CASP4: variants seen among roughly 807,000 people sequenced by gnomAD.
CASP4 encodes caspase-4.
CASP4 carries 29 observed loss-of-function variants against 41.3 expected under a neutral mutation model. That is an observed-to-expected ratio of 0.70 (90% CI 0.52 to 0.96). The LOEUF is 0.96. Ranked by LOEUF, CASP4 falls within the 40% of genes least tolerant of loss-of-function variation. The pLI, the probability that CASP4 is intolerant of heterozygous loss-of-function variation, is 0.00. For missense variants in CASP4, 447 were observed against 460.6 expected (o/e 0.97, Z 0.27); for synonymous variants, 185 against 158.4 (o/e 1.17, Z -1.26).
chr11:104,948,493 C>A, intron 6 of CASP4, 40 bp downstream of exon 6: 1 of 1,529,538 alleles, frequency 6.5e-7, no homozygotes, highest in South Asian at 1.3e-5. Context: ...AAGATGGCCT[C>A]AGGCCCACAA....
intron 1 of CASP4, among the ~76,000 whole-genome samples, chr11:104,961,956 C>A (rs1189056917): frequency 5.9e-5 from 9 of 152,306 alleles, no homozygotes. Context: ...CGTCCCTCCC[C>A]ACCTGGAGTG....
chr11:104,960,946 C>T lies in CASP4; in HGVS notation c.8-5945G>A, dbSNP rs56366981. Among the ~76,000 whole-genome samples the T allele has an allele frequency of 3.4e-3, 516 of 152,326 alleles. 1 individual carries two copies. The highest frequency in any genetic ancestry group is 0.012 in the African/African-American group (479 of 41,570). ...ACTAATTATTTACTGAATCAGTAGT[C>T]AAGTCCATGTAGGAACAAATGAATA... On this transcript the variant is annotated intron_variant, in intron 1 of 8. Coordinates refer to ENST00000444739, the MANE Select transcript of CASP4 (RefSeq NM_001225.4).
chr11:104,958,434 A>C (rs1015111596), intron 1 of CASP4, among the ~76,000 whole-genome samples: 1 of 152,194 alleles, frequency 6.6e-6, no homozygotes, highest in Admixed American at 6.6e-5. Flanking sequence ...ATTCAATAGA[A>C]AGAAAATAAA....
chr11:104,966,393 CTG>C (rs986847959), intron 1 of CASP4, among the ~76,000 whole-genome samples: 3 of 152,164 alleles, frequency 2.0e-5, no homozygotes, highest in Non-Finnish European at 2.9e-5. Flanking sequence ...GGCAGCATGT[CTG>C]TACACTTTGA....
chr11:104,944,585 A>G (rs2134630175), intron 8 of CASP4, 163 bp downstream of exon 8: 1 of 554,974 alleles, frequency 1.8e-6, no homozygotes, highest in Non-Finnish European at 3.2e-6. Context: ...AGGAATCCAA[A>G]TACATGTAAG....
intron 1 of CASP4, among the ~76,000 whole-genome samples, chr11:104,962,551 C>T (rs751289749): frequency 6.6e-5 from 10 of 152,292 alleles, no homozygotes; most frequent in Middle Eastern, 3.4e-3. Context: ...TTCAAGCCAG[C>T]TCAGCAGGCT....
At chr11:104,951,592 CA>C (rs1330057697) in intron 3 of CASP4, 1 of 411,188 alleles carries the variant, frequency 2.4e-6, no homozygotes, top group African/African-American at 2.0e-5. Flanking sequence ...TATTATCCTC[CA>C]AATATGTTTA....
intron 6 of CASP4, 165 bp downstream of exon 6, chr11:104,948,368 G>T: frequency 1.8e-6 from 1 of 543,474 alleles, no homozygotes; most frequent in Non-Finnish European, 2.9e-6. Context: ...GTATCGGGTT[G>T]CTTTAGGAAT....
intron 3 of CASP4, chr11:104,951,572 A>C: frequency 2.7e-6 from 1 of 363,710 alleles, no homozygotes; most frequent in Non-Finnish European, 5.2e-6. Flanking sequence ...AACCAATTAC[A>C]AGTCAGCTAT....
At chr11:104,959,414 G>A (rs61890827) in intron 1 of CASP4, among the ~76,000 whole-genome samples, 8,466 of 152,144 alleles carry the variant, frequency 0.056, 340 homozygotes, top group East Asian at 0.14. Flanking sequence ...GCAGAAGGTT[G>A]TACATAGAAA....
intron 6 of CASP4, chr11:104,947,886 T>G (rs868708688): frequency 1.3e-5 from 2 of 152,182 alleles, no homozygotes; most frequent in Non-Finnish European, 2.9e-5. Context: ...GAGATATGTT[T>G]ATGGCATAGA....
intron 7 of CASP4, among the ~76,000 whole-genome samples, chr11:104,945,467 A>C (rs1425957651): frequency 2.0e-5 from 3 of 152,098 alleles, no homozygotes; most frequent in Admixed American, 6.5e-5. Flanking sequence ...TATGTTGTCC[A>C]GGCTGGTCTC....
At chr11:104,950,387 TTTAC>T (rs1304828729) in intron 4 of CASP4, among the ~76,000 whole-genome samples, 1 of 152,134 alleles carries the variant, frequency 6.6e-6, no homozygotes, top group Non-Finnish European at 1.5e-5. Flanking sequence ...TTATTTTCTT[TTTAC>T]TTACTTTTGG....
intron 2 of CASP4, among the ~76,000 whole-genome samples, chr11:104,952,474 T>A (rs1860639660): frequency 6.6e-6 from 1 of 152,048 alleles, no homozygotes; most frequent in South Asian, 2.1e-4. Flanking sequence ...ACAGGTAAAA[T>A]TAATTCTAAT....
intron 1 of CASP4, among the ~76,000 whole-genome samples, chr11:104,958,952 C>A (rs1382605216): frequency 1.0e-5 from 1 of 96,644 alleles, no homozygotes; most frequent in Non-Finnish European, 1.8e-5. Context: ...CAGAGTGAGA[C>A]TCTGTCTCAA....
intron 7 of CASP4, chr11:104,946,868 C>T: frequency 7.3e-6 from 3 of 412,150 alleles, no homozygotes; most frequent in Non-Finnish European, 1.3e-5. Context: ...TAACATAAAG[C>T]TTATGGTTGA....
intron 1 of CASP4, among the ~76,000 whole-genome samples, chr11:104,963,696 C>T (rs55661563): frequency 0.012 from 1,807 of 152,292 alleles, 36 homozygotes; most frequent in African/African-American, 0.041. Flanking sequence ...AGAGATGAGA[C>T]TTCCATGGGG....
intron 8 of CASP4, 82 bp from the exon 9 acceptor site, chr11:104,943,055 C>T: frequency 2.3e-6 from 1 of 442,184 alleles, no homozygotes; most frequent in Non-Finnish European, 4.5e-6. Context: ...ATTCTTCTTG[C>T]ATCCTCTTCC....
At chr11:104,952,132 A>C (rs1860632227) in intron 2 of CASP4, 127 bp from the exon 3 acceptor site, 9 of 607,858 alleles carry the variant, frequency 1.5e-5, no homozygotes, top group East Asian at 2.7e-5. Flanking sequence ...GTTGTATCTC[A>C]TATCTAGTAT....
Sources: allele counts gnomAD v4.1 joint callset (sites outside exome capture counted in the v4.1 genomes callset), GRCh38; gene constraint gnomAD v4.1.1; transcripts MANE v1.5; gene names NCBI Gene and HGNC (gene_info 2026-07-23, HGNC 2026-07-21).